GJA1: variants seen among roughly 807,000 people sequenced by gnomAD.
The protein encoded by GJA1 is gap junction alpha-1 protein.
Under a neutral mutation model 31.0 loss-of-function variants are expected in GJA1, and 9 were observed. That is an observed-to-expected ratio of 0.29 (90% CI 0.17 to 0.51). GJA1 has a LOEUF of 0.51. GJA1 is among the 20% of genes least tolerant of loss of function. The probability of loss-of-function intolerance (pLI) is 0.98; values close to 1 mark genes in which losing one functional copy is unlikely to be tolerated. For synonymous variants in GJA1, 186 were observed against 180.1 expected, an observed-to-expected ratio of 1.03 and a Z score of -0.26; for missense variants, 278 against 468.8, an observed-to-expected ratio of 0.59 and a Z score of 3.76.
intron 1 of GJA1, among the ~76,000 whole-genome samples, chr6:121,441,044 G>A (rs1352017480): frequency 6.6e-6 from 1 of 152,030 alleles, no homozygotes; most frequent in Non-Finnish European, 1.5e-5. Context: ...CCGGGTTCAC[G>A]CCATTCTCCT....
Position 121,447,196 on chromosome 6 carries a change from C to G in GJA1, c.349C>G (p.Gln117Glu). ...NKKEEELKVA[Q>E]TDGVNVDMHL... Reference sequence around the variant, plus strand: ...GAAAGAGGAAGAACTCAAGGTTGCCCAAACTGATGGTGTCAATGTGGACAT... The same window carrying G: ...GAAAGAGGAAGAACTCAAGGTTGCCGAAACTGATGGTGTCAATGTGGACAT... The change falls in exon 2 of 2, where the codon CAA (glutamine) becomes GAA (glutamate). Residue 117 changes from glutamine to glutamate, a missense_variant. Gln to Glu is a conservative substitution (Grantham distance 29, BLOSUM62 2). Transcript: ENST00000282561. 1 of 1,613,934 alleles carries G rather than the reference C, an allele frequency of 6.2e-7. No homozygotes were observed. The highest frequency in any genetic ancestry group is 2.2e-5 in the East Asian group (1 of 44,872).
intron 1 of GJA1, 71 bp from the exon 2 acceptor site, chr6:121,446,761 T>G (rs570422661): frequency 6.1e-4 from 595 of 978,134 alleles, no homozygotes; most frequent in Non-Finnish European, 8.3e-4. Flanking sequence ...GACTATCACC[T>G]GAAAGGTACT....
rs1414975453 is a variant in GJA1 at position 121,447,323 on chromosome 6, T to A, written c.476T>A (p.Ile159Asn). 6.2e-7 allele frequency: 1 copy of A among 1,614,068 alleles called. No individual in the cohort carries two copies. Among genetic ancestry groups the A allele is most frequent in the Non-Finnish European group, 8.5e-7 (1 of 1,179,960 alleles). The change falls in exon 2 of 2, where the codon ATC becomes AAC. Residue 159 changes from isoleucine to asparagine, a missense_variant. By Grantham distance (149) the Ile-to-Asn change is moderately radical. This residue lies in a region of GJA1 where 80 missense variants were observed against 163.5 expected (regional missense o/e 0.49). Coordinates refer to ENST00000282561, the MANE Select transcript of GJA1 (RefSeq NM_000165.5). ...TTGCTGCGAACCTACATCATCAGTA[T>A]CCTCTTCAAGTCTATCTTTGAGGTG... ...GGLLRTYIIS[I>N]LFKSIFEVAF...
rs927773737 is a variant in GJA1 at position 121,436,136 on chromosome 6, G to T, written c.-17+304G>T. ...TCATTTTAGAGTATCATTTTATTTTGTTTTTTTTTTGTAATCAGTAATAGT... is the reference window on the plus strand; with the variant it reads ...TCATTTTAGAGTATCATTTTATTTTTTTTTTTTTTTGTAATCAGTAATAGT... On this transcript the variant is annotated intron_variant, in intron 1 of 1. Transcript: ENST00000282561. Among the ~76,000 whole-genome samples, 23 of 102,952 alleles carry T rather than the reference G, an allele frequency of 2.2e-4. 1 individual carries two copies. The Admixed American group carries it at 3.0e-3, about 14-fold the overall frequency. The allele number at this position is 102,952 out of a possible 152,430, so 67.5% of individuals were successfully genotyped here. A position where few individuals can be genotyped will look rare whatever the true frequency, so the allele number is the denominator to read the frequency against.
intron 1 of GJA1, among the ~76,000 whole-genome samples, chr6:121,441,247 C>T (rs544470782): frequency 3.9e-5 from 6 of 152,032 alleles, no homozygotes; most frequent in South Asian, 2.1e-4. Context: ...CCACCGCACC[C>T]GGTCTACTTT....
In GJA1 at chr6:121,447,084, C is replaced by T. The variant is rs1271876457; in HGVS notation, c.237C>T (p.Val79=). The T allele has an allele frequency of 2.5e-6, 4 of 1,613,830 alleles. No individual in the cohort carries two copies. In the South Asian group the frequency reaches 3.3e-5, roughly 13 times the overall value. The stretch of plus-strand genomic sequence containing the variant: ...CAATCTCTCATGTGCGCTTCTGGGT[C>T]CTGCAGATCATATTTGTGTCTGTAC... ...SFPISHVRFW[V]LQIIFVSVPT... Residue 79 remains valine, a synonymous_variant, in exon 2 of 2, where the codon GTC becomes GTT. Coordinates refer to ENST00000282561, the MANE Select transcript of GJA1 (RefSeq NM_000165.5).
At chr6:121,445,245 A>T (rs1773868080) in intron 1 of GJA1, among the ~76,000 whole-genome samples, 1 of 152,200 alleles carries the variant, frequency 6.6e-6, no homozygotes, top group Admixed American at 6.5e-5. Context: ...TCCCGGGTTC[A>T]AGCGATTCTC....
At chr6:121,442,438 G>A (rs961327976) in intron 1 of GJA1, among the ~76,000 whole-genome samples, 6 of 152,196 alleles carry the variant, frequency 3.9e-5, no homozygotes, top group Admixed American at 3.3e-4. Flanking sequence ...TGCAGATGGA[G>A]ATGTAAGGAG....
chr6:121,445,943 A>T (rs1158759114), intron 1 of GJA1, among the ~76,000 whole-genome samples: 1 of 152,074 alleles, frequency 6.6e-6, no homozygotes, highest in African/African-American at 2.4e-5. Flanking sequence ...AAAGAAACAG[A>T]AAAGTGTAAA....
chr6:121,440,912 TTTGTTG>T lies in GJA1; in HGVS notation c.-17+5107_-17+5112del, dbSNP rs59447853. 7.9e-3 allele frequency among the ~76,000 whole-genome samples: 1,124 copies of T among 142,286 alleles called. 9 individuals carry two copies. Among genetic ancestry groups the T allele is most frequent in the African/African-American group, 0.023 (818 of 36,008 alleles). The allele number at this position is 142,286 out of a possible 152,430, so 93.3% of individuals were successfully genotyped here. On this transcript the variant is annotated intron_variant, in intron 1 of 1. Coordinates refer to ENST00000282561, the MANE Select transcript of GJA1 (RefSeq NM_000165.5). ...ACCCGCCACCACGCCTGGCTACTTT[TTTGTTG>T]TTGTTGTTGTTGTTGTTGTTGTTGT...
At chr6:121,437,657 G>A (rs1431720614) in intron 1 of GJA1, among the ~76,000 whole-genome samples, 1 of 152,086 alleles carries the variant, frequency 6.6e-6, no homozygotes, top group African/African-American at 2.4e-5. Context: ...GCCTTTGCTG[G>A]GGGTTTCTGA....
chr6:121,438,948 T>A (rs533119568), intron 1 of GJA1, among the ~76,000 whole-genome samples: 5 of 152,258 alleles, frequency 3.3e-5, no homozygotes, highest in African/African-American at 1.2e-4. Flanking sequence ...TACAATTTCA[T>A]AAATTTCACA....
Position 121,448,219 on chromosome 6 carries a change from T to A in GJA1, c.*223T>A. 1 of 598,150 alleles carries A rather than the reference T, an allele frequency of 1.7e-6. No homozygotes were observed. Among genetic ancestry groups the A allele is most frequent in the Non-Finnish European group, 3.1e-6 (1 of 327,468 alleles). The allele number at this position is 598,150 out of a possible 1,614,324, so 37.1% of individuals were successfully genotyped here. ...GATAAGAGAGGTGCATGTTGGTATTTAAAGTAGTGGATTCAAAGAACTTAG... is the reference window on the plus strand; with the variant it reads ...GATAAGAGAGGTGCATGTTGGTATTAAAAGTAGTGGATTCAAAGAACTTAG... On this transcript the variant is annotated 3_prime_UTR_variant, in exon 2 of 2. Coordinates refer to ENST00000282561, the MANE Select transcript of GJA1 (RefSeq NM_000165.5).
intron 1 of GJA1, among the ~76,000 whole-genome samples, chr6:121,440,169 C>G (rs185256674): frequency 3.3e-5 from 5 of 151,418 alleles, no homozygotes; most frequent in Admixed American, 1.3e-4. Flanking sequence ...GTTAGAACAT[C>G]GTAGAACTAG....
intron 1 of GJA1, among the ~76,000 whole-genome samples, chr6:121,441,248 G>A (rs749408020): frequency 1.5e-4 from 22 of 151,702 alleles, no homozygotes; most frequent in South Asian, 2.1e-4. Flanking sequence ...CACCGCACCC[G>A]GTCTACTTTT....
chr6:121,445,277 C>CT (rs1773868555), intron 1 of GJA1, among the ~76,000 whole-genome samples: 1 of 152,114 alleles, frequency 6.6e-6, no homozygotes, highest in Admixed American at 6.5e-5. Flanking sequence ...TCCCGAGTAG[C>CT]TGGGACTACA....
intron 1 of GJA1, among the ~76,000 whole-genome samples, chr6:121,445,976 C>T (rs1773882785): frequency 6.6e-6 from 1 of 152,032 alleles, no homozygotes; most frequent in Non-Finnish European, 1.5e-5. Context: ...AGGGTATGCA[C>T]AAATTACACT....
At chr6:121,442,474 T>G (rs1168343492) in intron 1 of GJA1, among the ~76,000 whole-genome samples, 2 of 152,244 alleles carry the variant, frequency 1.3e-5, no homozygotes, top group African/African-American at 4.8e-5. Context: ...GAGCCAAGGC[T>G]GACCTCAATG....
At chr6:121,438,427 G>A (rs1477363805) in intron 1 of GJA1, among the ~76,000 whole-genome samples, 1 of 152,346 alleles carries the variant, frequency 6.6e-6, no homozygotes, top group African/African-American at 2.4e-5. Flanking sequence ...AGATACTGAA[G>A]GTTGCTTTGT....
Sources: allele counts gnomAD v4.1 joint callset (sites outside exome capture counted in the v4.1 genomes callset), GRCh38; gene constraint gnomAD v4.1.1; regional missense constraint gnomAD v4.1.1; transcripts MANE v1.5; gene names NCBI Gene and HGNC (gene_info 2026-07-23, HGNC 2026-07-21).